DYNC2I1: variants seen among roughly 807,000 people sequenced by gnomAD.
DYNC2I1 encodes cytoplasmic dynein 2 intermediate chain 1.
Under a neutral mutation model 133.4 loss-of-function variants are expected in DYNC2I1, and 89 were observed. The observed-to-expected ratio is 0.67, with a 90% CI of 0.56 to 0.80. The LOEUF is 0.80. DYNC2I1 is among the 30% of genes least tolerant of loss of function. The probability of loss-of-function intolerance (pLI) is 0.00; values close to 1 mark genes in which losing one functional copy is unlikely to be tolerated. For missense variants in DYNC2I1, 1,291 were observed against 1,314.5 expected (o/e 0.98, Z 0.28); for synonymous variants, 504 against 484.3 (o/e 1.04, Z -0.54).
chr7:158,875,473 C>T (rs1314835759), intron 3 of DYNC2I1, among the ~76,000 whole-genome samples: 1 of 152,152 alleles, frequency 6.6e-6, no homozygotes, highest in African/African-American at 2.4e-5. Flanking sequence ...TTAAAGTGTC[C>T]ACTCTCTGAA....
intron 7 of DYNC2I1, among the ~76,000 whole-genome samples, chr7:158,889,080 CTTTT>C (rs369814666): frequency 1.6e-5 from 2 of 126,080 alleles, no homozygotes; most frequent in African/African-American, 2.9e-5. Context: ...TCCTGTTTTT[CTTTT>C]TTTTTTTTTT....
intron 14 of DYNC2I1, 75 bp from the exon 15 acceptor site, chr7:158,918,664 GA>G (rs1848719376): frequency 6.4e-7 from 1 of 1,565,126 alleles, no homozygotes; most frequent in East Asian, 2.3e-5. Flanking sequence ...TGGATAAGAT[GA>G]AAAGGTAATT....
Position 158,878,138 on chromosome 7 carries a change from G to C in DYNC2I1, c.573+1447G>C, listed in dbSNP as rs187950601. On this transcript the variant is annotated intron_variant, in intron 4 of 24. Transcript: ENST00000407559. ...GGGAGGCGAGGAGGGGAGGCCAGGA[G>C]GGCTGACTGTGAGTGCTGGGCATCA... Among the ~76,000 whole-genome samples, 160 of 150,342 alleles carry C rather than the reference G, an allele frequency of 1.1e-3. 2 individuals carry two copies. The East Asian group carries it at 0.029, about 28-fold the overall frequency.
intron 17 of DYNC2I1, among the ~76,000 whole-genome samples, chr7:158,924,759 T>G (rs1329264095): frequency 6.6e-6 from 1 of 152,122 alleles, no homozygotes; most frequent in Non-Finnish European, 1.5e-5. Context: ...AAATACATCC[T>G]TCTTTTTTTT....
chr7:158,858,784 C>G (rs539322088), intron 1 of DYNC2I1, among the ~76,000 whole-genome samples: 28 of 150,558 alleles, frequency 1.9e-4, no homozygotes, highest in Admixed American at 1.7e-3. Flanking sequence ...AATCTCCATG[C>G]TTTTTCCAGT....
chr7:158,915,986 C>T (rs1337643878), intron 14 of DYNC2I1, among the ~76,000 whole-genome samples: 9 of 114,884 alleles, frequency 7.8e-5, no homozygotes, highest in African/African-American at 2.5e-4. Context: ...GATTGTGAAA[C>T]GTCGACACGC....
Position 158,914,314 on chromosome 7 carries a change from C to G in DYNC2I1, c.1784C>G (p.Ala595Gly). ...TPRLCSFLRA[A>G]CQVMAVLLEE... is the part of the protein sequence containing the mutation. Reference sequence around the variant, plus strand: ...AGGTTATGTAGCTTTCTGCGGGCTGCTTGTCAGGTATACTCAACCTATATA... The same window carrying G: ...AGGTTATGTAGCTTTCTGCGGGCTGGTTGTCAGGTATACTCAACCTATATA... The change falls in exon 14 of 25, where the codon GCT becomes GGT. Residue 595 changes from alanine (A) to glycine (G), a missense_variant. Physicochemically the swap from Ala to Gly is moderately conservative, Grantham distance 60. Transcript: ENST00000407559. The G allele has an allele frequency of 6.2e-7, 1 of 1,610,134 alleles. No homozygotes were observed. The highest frequency in any genetic ancestry group is 1.3e-5 in the African/African-American group (1 of 74,986).
At chr7:158,885,011 A>T (rs574074393) in intron 6 of DYNC2I1, among the ~76,000 whole-genome samples, 1 of 152,330 alleles carries the variant, frequency 6.6e-6, no homozygotes, top group South Asian at 2.1e-4. Context: ...TGCAAGAGGG[A>T]GTCCTCCCTG....
intron 17 of DYNC2I1, 69 bp downstream of exon 17, chr7:158,923,802 T>G (rs1394295797): frequency 2.6e-6 from 4 of 1,547,652 alleles, no homozygotes; most frequent in Non-Finnish European, 2.6e-6. Flanking sequence ...AACAAAGCTT[T>G]ACATGGATTT....
intron 1 of DYNC2I1, among the ~76,000 whole-genome samples, chr7:158,857,061 CGGGGCCGGGGT>C (rs1285988622): frequency 5.3e-5 from 8 of 152,082 alleles, no homozygotes; most frequent in Non-Finnish European, 1.2e-4. Context: ...GCCCCTGCTG[CGGGGCCGGGGT>C]GGCTGAGGAG....
chr7:158,914,219 AC>A lies in DYNC2I1; in HGVS notation c.1703-13del, dbSNP rs558243779. ...AGTCGACTTCGTTGATTTTATATAA[AC>A]TGTTTTTTTTAGGCAGTGAACAAAG... On this transcript the variant is annotated splice_polypyrimidine_tract_variant and intron_variant, in intron 13 of 24. Coordinates refer to ENST00000407559, the MANE Select transcript of DYNC2I1 (RefSeq NM_018051.5). 6.2e-6 allele frequency: 10 copies of A among 1,601,340 alleles called. No homozygotes were observed. In the East Asian group the frequency reaches 1.6e-4, roughly 25 times the overall value.
At chr7:158,857,565 G>GTC (rs1182351342) in intron 1 of DYNC2I1, among the ~76,000 whole-genome samples, 2 of 130,800 alleles carry the variant, frequency 1.5e-5, no homozygotes, top group Admixed American at 1.7e-4. Context: ...TTGAGATGGA[G>GTC]TCTCACTCTG....
rs564862186 is a variant in DYNC2I1 at position 158,856,674 on chromosome 7, C to T, written c.-62C>T. The T allele has an allele frequency of 1.6e-6, 2 of 1,230,944 alleles. No individual in the cohort carries two copies. The highest frequency in any genetic ancestry group is 4.1e-5 in the South Asian group (1 of 24,302). 76.3% of individuals were successfully genotyped at this position (1,230,944 alleles called of 1,614,324 possible). ...GGGTGCGGGGCACAGGTGGCCTCTT[C>T]GGGGTGGACCGCGCCTGGCCGGGGC... On this transcript the variant is annotated 5_prime_UTR_variant, in exon 1 of 25. Transcript: ENST00000407559.
At chr7:158,877,704 T>C (rs1843498954) in intron 4 of DYNC2I1, among the ~76,000 whole-genome samples, 1 of 152,174 alleles carries the variant, frequency 6.6e-6, no homozygotes, top group Admixed American at 6.5e-5. Context: ...TTTTCTCTCT[T>C]TTTTTTATTT....
At chr7:158,909,129 G>A (rs571333215) in intron 11 of DYNC2I1, among the ~76,000 whole-genome samples, 1 of 151,842 alleles carries the variant, frequency 6.6e-6, no homozygotes, top group African/African-American at 2.4e-5. Context: ...TCAGGAGTTC[G>A]AGACCAGCCT....
At chr7:158,905,263 C>G (rs1846673588) in intron 10 of DYNC2I1, 1 of 348,848 alleles carries the variant, frequency 2.9e-6, no homozygotes, top group Non-Finnish European at 5.5e-6. Flanking sequence ...GCTTCAGCCT[C>G]CCGAGTAGCT....
intron 2 of DYNC2I1, 143 bp downstream of exon 2, chr7:158,870,051 G>A: frequency 2.9e-6 from 2 of 682,064 alleles, no homozygotes; most frequent in Non-Finnish European, 2.5e-6. Flanking sequence ...AGGTGAAGGT[G>A]TACGGCTAAC....
chr7:158,922,619 TG>T, intron 16 of DYNC2I1, 70 bp downstream of exon 16: 1 of 1,484,814 alleles, frequency 6.7e-7, no homozygotes, highest in South Asian at 1.2e-5. Context: ...AAGGTGCAGG[TG>T]GGGAGAGTCA....
chr7:158,922,289 A>T, intron 15 of DYNC2I1, 88 bp from the exon 16 acceptor site: 1 of 1,360,682 alleles, frequency 7.3e-7, no homozygotes. Flanking sequence ...ATGAAGCTGA[A>T]TTTTTTTTTG....
Sources: allele counts gnomAD v4.1 joint callset (sites outside exome capture counted in the v4.1 genomes callset), GRCh38; gene constraint gnomAD v4.1.1; transcripts MANE v1.5; gene names NCBI Gene and HGNC (gene_info 2026-07-23, HGNC 2026-07-21).